Variants in HS3ST5 observed in about 807,000 individuals in gnomAD.
The protein encoded by HS3ST5 is heparan sulfate-glucosamine 3-sulfotransferase 5.
A neutral mutation model predicts 25.4 loss-of-function variants in HS3ST5; 10 were observed. The observed-to-expected ratio is 0.39, with a 90% CI of 0.24 to 0.67. HS3ST5 has a LOEUF of 0.67. Among genes scored for constraint, HS3ST5 ranks in the 30% least tolerant of loss-of-function variants. The pLI is 0.44. For missense variants in HS3ST5, 324 were observed against 420.7 expected (o/e 0.77, Z 2.01); for synonymous variants, 170 against 162.4 (o/e 1.05, Z -0.36).
chr6:114,311,659 C>T (rs1402731456), intron 1 of HS3ST5, among the ~76,000 whole-genome samples: 1 of 148,774 alleles, frequency 6.7e-6, no homozygotes, highest in East Asian at 2.1e-4. Context: ...TCTCGTGCCT[C>T]AGTTTCCTGA....
intron 2 of HS3ST5, among the ~76,000 whole-genome samples, chr6:114,197,238 T>G (rs1780804913): frequency 6.6e-6 from 1 of 151,978 alleles, no homozygotes; most frequent in African/African-American, 2.4e-5. Context: ...TTTGGTCCTG[T>G]TCAAGACTAT....
chr6:114,130,718 T>C (rs946060899), intron 3 of HS3ST5, among the ~76,000 whole-genome samples: 4 of 152,072 alleles, frequency 2.6e-5, no homozygotes, highest in Non-Finnish European at 4.4e-5. Flanking sequence ...TACAGGCGCC[T>C]GCCACCACAC....
intron 3 of HS3ST5, among the ~76,000 whole-genome samples, chr6:114,121,021 C>T (rs1201364589): frequency 1.3e-5 from 2 of 152,214 alleles, no homozygotes; most frequent in Non-Finnish European, 2.9e-5. Context: ...AGAATAATTG[C>T]ACCTTTGGTG....
At chr6:114,328,041 G>A (rs908684351) in intron 1 of HS3ST5, among the ~76,000 whole-genome samples, 5 of 152,100 alleles carry the variant, frequency 3.3e-5, no homozygotes, top group Admixed American at 6.6e-5. Context: ...ATAGAGGTAG[G>A]AGCAGATAAG....
chr6:114,174,100 C>T (rs1779604873), intron 2 of HS3ST5, among the ~76,000 whole-genome samples: 2 of 152,032 alleles, frequency 1.3e-5, no homozygotes, highest in South Asian at 4.2e-4. Flanking sequence ...TCCCACTCTA[C>T]CCTGCCTGGC....
intron 1 of HS3ST5, among the ~76,000 whole-genome samples, chr6:114,322,495 G>A (rs945052860): frequency 3.3e-5 from 5 of 152,176 alleles, no homozygotes; most frequent in African/African-American, 7.2e-5. Flanking sequence ...ATCAGAGAAA[G>A]TGATTCCAAA....
intron 1 of HS3ST5, among the ~76,000 whole-genome samples, chr6:114,239,478 A>G (rs1772003792): frequency 6.6e-6 from 1 of 152,208 alleles, no homozygotes; most frequent in African/African-American, 2.4e-5. Flanking sequence ...GGGGAGGGAA[A>G]GATGTATGAG....
chr6:114,341,159 G>A (rs1776816027), intron 1 of HS3ST5, among the ~76,000 whole-genome samples: 1 of 141,026 alleles, frequency 7.1e-6, no homozygotes, highest in Non-Finnish European at 1.5e-5. Flanking sequence ...GAGGGGGAGA[G>A]AGGGGAGGGA....
rs565854657 is a variant in HS3ST5, at chr6:114,255,694, A to G, written c.-338-26916T>C. ...TGACTTCTGTGTACATGCAGGCCCAACACCATGTGGAAGCTGCCAAGGCTT... is the reference window on the plus strand; with the variant it reads ...TGACTTCTGTGTACATGCAGGCCCAGCACCATGTGGAAGCTGCCAAGGCTT... On this transcript the variant is annotated intron_variant, in intron 1 of 4. Transcript: ENST00000312719. 1.6e-4 allele frequency among the ~76,000 whole-genome samples: 24 copies of G among 152,262 alleles called. No homozygotes were observed. The South Asian group carries it at 5.0e-3, about 32-fold the overall frequency.
chr6:114,166,428 C>A (rs1779210684), intron 3 of HS3ST5, among the ~76,000 whole-genome samples: 1 of 152,188 alleles, frequency 6.6e-6, no homozygotes, highest in South Asian at 2.1e-4. Flanking sequence ...CCAAGAGTGG[C>A]TGGCATGCTC....
At chr6:114,139,036 A>C (rs1026574778) in intron 3 of HS3ST5, among the ~76,000 whole-genome samples, 4 of 152,152 alleles carry the variant, frequency 2.6e-5, no homozygotes, top group African/African-American at 9.7e-5. Flanking sequence ...TTTCAACATA[A>C]AAATGCTGAA....
At chr6:114,105,199 C>T (rs1177681389) in intron 3 of HS3ST5, among the ~76,000 whole-genome samples, 4 of 152,178 alleles carry the variant, frequency 2.6e-5, no homozygotes, top group Non-Finnish European at 4.4e-5. Flanking sequence ...TGTCTATGGA[C>T]AGCTTCAGGA....
intron 1 of HS3ST5, among the ~76,000 whole-genome samples, chr6:114,314,037 T>G (rs1159229952): frequency 6.6e-6 from 1 of 152,198 alleles, no homozygotes; most frequent in Non-Finnish European, 1.5e-5. Context: ...GTGATTCTCA[T>G]GCCTCAGTCT....
At position 114,324,921 on chromosome 6, in the gene HS3ST5, T is replaced by C. The variant is rs6923064; in HGVS notation, c.-339+17274A>G. 3.2e-3 allele frequency among the ~76,000 whole-genome samples: 487 copies of C among 152,338 alleles called. 1 individual carries two copies. The highest frequency in any genetic ancestry group is 0.011 in the African/African-American group (463 of 41,588). On this transcript the variant is annotated intron_variant, in intron 1 of 4. Coordinates refer to ENST00000312719, the MANE Select transcript of HS3ST5 (RefSeq NM_153612.4). ...TTACAGCCTAAGACAACTTTAGTCC[T>C]GTGACTGGTTAATAAAGTACTGTCA...
At chr6:114,207,481 G>A (rs1257212474) in intron 2 of HS3ST5, among the ~76,000 whole-genome samples, 1 of 152,110 alleles carries the variant, frequency 6.6e-6, no homozygotes, top group African/African-American at 2.4e-5. Flanking sequence ...GAAGCATAAA[G>A]AGCAGCATTA....
chr6:114,212,135 T>C (rs1330938309), intron 2 of HS3ST5, among the ~76,000 whole-genome samples: 1 of 152,194 alleles, frequency 6.6e-6, no homozygotes, highest in Non-Finnish European at 1.5e-5. Flanking sequence ...TGTTCACTTA[T>C]AACCAGGCTC....
intron 2 of HS3ST5, among the ~76,000 whole-genome samples, chr6:114,198,245 G>A (rs546767477): frequency 3.0e-4 from 46 of 151,928 alleles, no homozygotes; most frequent in African/African-American, 1.1e-3. Context: ...TAAAGAAAAA[G>A]GAATCTTTAA....
chr6:114,085,876 CA>C (rs1774774749), intron 3 of HS3ST5, among the ~76,000 whole-genome samples: 1 of 148,984 alleles, frequency 6.7e-6, no homozygotes, highest in South Asian at 2.1e-4. Context: ...ACCATACTAT[CA>C]GAAATAAAAA....
At chr6:114,112,711 TCTC>T (rs1334619854) in intron 3 of HS3ST5, among the ~76,000 whole-genome samples, 9 of 152,146 alleles carry the variant, frequency 5.9e-5, no homozygotes, top group African/African-American at 2.2e-4. Context: ...TTACCACACT[TCTC>T]CTTCTCCTCC....
Sources: gnomAD v4.1 joint callset for allele counts (sites outside exome capture counted in the v4.1 genomes callset) on GRCh38, gnomAD v4.1.1 for gene constraint, MANE v1.5 for transcripts, NCBI Gene and HGNC (gene_info 2026-07-23, HGNC 2026-07-21) for gene names.